Variants in NADSYN1 observed in about 807,000 individuals in gnomAD.
NADSYN1 encodes NAD synthetase 1, also known as glutamine-dependent NAD(+) synthetase.
NADSYN1 carries 80 observed loss-of-function variants against 99.3 expected under a neutral mutation model. That is an observed-to-expected ratio of 0.81 (90% CI 0.67 to 0.97). The LOEUF is 0.97. Ranked by LOEUF, NADSYN1 falls within the 50% of genes least tolerant of loss-of-function variation. The probability of loss-of-function intolerance (pLI) is 0.00; values close to 1 mark genes in which losing one functional copy is unlikely to be tolerated. For synonymous variants in NADSYN1, 385 were observed against 372.1 expected, an observed-to-expected ratio of 1.03 and a Z score of -0.40; for missense variants, 859 against 948.5, an observed-to-expected ratio of 0.91 and a Z score of 1.24.
intron 3 of NADSYN1, chr11:71,459,037 G>A: frequency 1.1e-5 from 2 of 178,660 alleles, no homozygotes; most frequent in South Asian, 2.2e-4. Flanking sequence ...TGTCTGTGCT[G>A]TACCCTGCAT....
chr11:71,494,643 C>T lies in NADSYN1; in HGVS notation c.1764+2740C>T, dbSNP rs1033515801. Among the ~76,000 whole-genome samples the T allele has an allele frequency of 1.6e-4, 25 of 152,266 alleles. No homozygotes were observed. The East Asian group carries it at 3.7e-3, about 22-fold the overall frequency. On this transcript the variant is annotated intron_variant, in intron 18 of 20. Coordinates refer to ENST00000319023, the MANE Select transcript of NADSYN1 (RefSeq NM_018161.5). Reference sequence around the variant, plus strand: ...TCGGCTCACTGAAACCTCCGCCTCCCGGGTTCAAGCAAGCAATTCTCCTGC... The same window carrying T: ...TCGGCTCACTGAAACCTCCGCCTCCTGGGTTCAAGCAAGCAATTCTCCTGC...
intron 18 of NADSYN1, among the ~76,000 whole-genome samples, chr11:71,492,479 C>T (rs920029617): frequency 6.6e-6 from 1 of 152,140 alleles, no homozygotes; most frequent in Non-Finnish European, 1.5e-5. Context: ...AGTTTCATTC[C>T]TTTGCATGGG....
chr11:71,469,383 A>T (rs1324220744), intron 5 of NADSYN1, among the ~76,000 whole-genome samples: 1 of 152,188 alleles, frequency 6.6e-6, no homozygotes, highest in African/African-American at 2.4e-5. Context: ...TTGGTTGTGG[A>T]GACCCTAATC....
At position 71,501,366 on chromosome 11, in the gene NADSYN1, C is replaced by T. The variant is rs1290613334; in HGVS notation, c.*14C>T. On this transcript the variant is annotated 3_prime_UTR_variant, in exon 21 of 21. Coordinates refer to ENST00000319023, the MANE Select transcript of NADSYN1 (RefSeq NM_018161.5). ...GGCGTGGACTGAGGCCGGTTCCTTC[C>T]TGGAGGCCTCCTGTCCTCGGGGACC... 2 of 1,597,000 alleles carry T rather than the reference C, an allele frequency of 1.3e-6. No homozygotes were observed. Among genetic ancestry groups the T allele is most frequent in the African/African-American group, 1.3e-5 (1 of 74,662 alleles).
At chr11:71,453,874 G>A (rs1021997524) in intron 1 of NADSYN1, among the ~76,000 whole-genome samples, 3 of 152,172 alleles carry the variant, frequency 2.0e-5, no homozygotes, top group African/African-American at 4.8e-5. Context: ...GGGCCGGAGG[G>A]GGTGGAAGTC....
intron 10 of NADSYN1, 92 bp from the exon 11 acceptor site, chr11:71,480,663 G>A: frequency 6.3e-7 from 1 of 1,586,024 alleles, no homozygotes; most frequent in Non-Finnish European, 8.6e-7. Flanking sequence ...GCGTTTCTGT[G>A]GCTGATGGAG....
At position 71,474,567 on chromosome 11, in the gene NADSYN1, G is replaced by A. The variant is rs753568552; in HGVS notation, c.798+41G>A. Reference sequence around the variant, plus strand: ...GGACATGCCTGGGGGAGGGTTCTCTGTGCAGAGACCGAGCTCCTGGCTCTC... The same window carrying A: ...GGACATGCCTGGGGGAGGGTTCTCTATGCAGAGACCGAGCTCCTGGCTCTC... On this transcript the variant is annotated intron_variant, in intron 9 of 20. Coordinates refer to ENST00000319023, the MANE Select transcript of NADSYN1 (RefSeq NM_018161.5). 5.0e-6 allele frequency: 8 copies of A among 1,613,168 alleles called. No homozygotes were observed. The South Asian group carries it at 8.8e-5, about 18-fold the overall frequency.
chr11:71,464,387 G>T, intron 5 of NADSYN1: 2 of 444,034 alleles, frequency 4.5e-6, no homozygotes, highest in Non-Finnish European at 8.2e-6. Flanking sequence ...TCAGGGCGCG[G>T]TTACACAATG....
intron 10 of NADSYN1, chr11:71,478,830 AGT>A (rs1949686606): frequency 4.3e-6 from 1 of 231,572 alleles, no homozygotes; most frequent in South Asian, 6.6e-5. Flanking sequence ...ACAGGCACAC[AGT>A]GTGCAGCCGA....
At position 71,497,555 on chromosome 11, in the gene NADSYN1, T is replaced by C. The variant is rs1376239774; in HGVS notation, c.1837T>C (p.Tyr613His). Reference sequence around the variant, plus strand: ...CAGGAAGGTGGCCAAGATGGGGCCCTACAGCATGTTCTGCAAACTCCTCGG... The same window carrying C: ...CAGGAAGGTGGCCAAGATGGGGCCCCACAGCATGTTCTGCAAACTCCTCGG... ...KLRKVAKMGP[Y>H]SMFCKLLGMW... Residue 613 changes from tyrosine to histidine, a missense_variant, in exon 19 of 21, where the codon TAC (tyrosine) becomes CAC (histidine). Physicochemically the swap from Tyr to His is moderately conservative, Grantham distance 83 (BLOSUM62 2). Coordinates refer to ENST00000319023, the MANE Select transcript of NADSYN1 (RefSeq NM_018161.5). 2 of 1,614,004 alleles carry C rather than the reference T, an allele frequency of 1.2e-6. No homozygotes were observed. The highest frequency in any genetic ancestry group is 2.7e-5 in the African/African-American group (2 of 74,916).
chr11:71,473,254 T>C (rs1949640366), intron 6 of NADSYN1, 24 bp from the exon 7 acceptor site: 3 of 1,611,120 alleles, frequency 1.9e-6, no homozygotes, highest in African/African-American at 2.7e-5. Flanking sequence ...GTGAATCTCA[T>C]GCACTCTTCT....
At chr11:71,464,293 C>A in intron 5 of NADSYN1, 151 bp downstream of exon 5, 8 of 643,702 alleles carry the variant, frequency 1.2e-5, no homozygotes, top group Admixed American at 1.2e-4. Flanking sequence ...ACAAAGAAAG[C>A]CAAAAAAGAA....
intron 17 of NADSYN1, among the ~76,000 whole-genome samples, chr11:71,491,319 G>A (rs1384871877): frequency 6.6e-6 from 1 of 152,278 alleles, no homozygotes; most frequent in African/African-American, 2.4e-5. Flanking sequence ...ATGGATCAGT[G>A]TCCGGACCTT....
chr11:71,477,539 C>T (rs1160591730), intron 9 of NADSYN1: 2 of 943,010 alleles, frequency 2.1e-6, no homozygotes, highest in African/African-American at 3.4e-5. Flanking sequence ...CCCGCTGTCC[C>T]ACACTCGTGT....
chr11:71,489,186 C>A (rs897906351), intron 16 of NADSYN1, among the ~76,000 whole-genome samples: 1 of 151,872 alleles, frequency 6.6e-6, no homozygotes, highest in Non-Finnish European at 1.5e-5. Flanking sequence ...TGGAAGTGAC[C>A]AGCCTGGGGG....
chr11:71,472,524 G>A (rs1303923147), intron 6 of NADSYN1, 24 bp downstream of exon 6: 20 of 1,606,102 alleles, frequency 1.2e-5, no homozygotes, highest in African/African-American at 5.3e-5. Flanking sequence ...TGTGGAGCCC[G>A]TTTTTCAGTC....
At position 71,490,895 on chromosome 11, in the gene NADSYN1, C is replaced by G; in HGVS notation, c.1613C>G (p.Pro538Arg). The stretch of plus-strand genomic sequence containing the variant: ...GACTGCTCCAGTGCGGACATCAACC[C>G]CATAGGCGGGATCAGCAAGACGGAC... ...KYDCSSADINPIGGISKTDLR... is the reference protein window; with the variant it reads ...KYDCSSADINRIGGISKTDLR... Residue 538 changes from proline (P) to arginine (R), a missense_variant, in exon 17 of 21, where the codon CCC (proline) becomes CGC (arginine). Coordinates refer to ENST00000319023, the MANE Select transcript of NADSYN1 (RefSeq NM_018161.5). 1 of 1,614,230 alleles carries G rather than the reference C, an allele frequency of 6.2e-7. No homozygotes were observed. Among genetic ancestry groups the G allele is most frequent in the South Asian group, 1.1e-5 (1 of 91,086 alleles).
chr11:71,467,285 C>T (rs1220190244), intron 5 of NADSYN1, among the ~76,000 whole-genome samples: 3 of 152,162 alleles, frequency 2.0e-5, no homozygotes, highest in Non-Finnish European at 4.4e-5. Context: ...CTGTAGCACC[C>T]GCAGGCGCTG....
intron 12 of NADSYN1, chr11:71,481,615 C>T: frequency 3.3e-6 from 2 of 611,894 alleles, no homozygotes; most frequent in East Asian, 5.5e-5. Context: ...TTTGGAGGCT[C>T]AGCGGAACCC....
Sources: allele counts gnomAD v4.1 joint callset (sites outside exome capture counted in the v4.1 genomes callset), GRCh38; gene constraint gnomAD v4.1.1; transcripts MANE v1.5; gene names NCBI Gene and HGNC (gene_info 2026-07-23, HGNC 2026-07-21).